PLEKHA6: variants seen among roughly 807,000 people sequenced by gnomAD.
The protein encoded by PLEKHA6 is pleckstrin homology domain-containing family A member 6.
PLEKHA6 carries 60 observed loss-of-function variants against 116.7 expected under a neutral mutation model. The observed-to-expected ratio is 0.51, with a 90% CI of 0.42 to 0.64. The LOEUF (loss-of-function observed/expected upper bound fraction) is 0.64. Among genes scored for constraint, PLEKHA6 ranks in the 30% least tolerant of loss-of-function variants. The pLI is 0.00. For missense variants in PLEKHA6, 1,338 were observed against 1,422.7 expected, an observed-to-expected ratio of 0.94 and a Z score of 0.96; for synonymous variants, 489 against 556.1, an observed-to-expected ratio of 0.88 and a Z score of 1.70.
intron 1 of PLEKHA6, among the ~76,000 whole-genome samples, chr1:204,341,495 T>C (rs772330471): frequency 6.6e-6 from 1 of 152,208 alleles, no homozygotes. Context: ...GGAGGAGCTA[T>C]AACCAGTTCA....
intron 2 of PLEKHA6, among the ~76,000 whole-genome samples, chr1:204,370,198 T>C (rs139583810): frequency 4.9e-4 from 75 of 152,346 alleles, no homozygotes; most frequent in African/African-American, 1.7e-3. Context: ...GTTTCTACCA[T>C]AAAATGAAGA....
chr1:204,277,836 G>A lies in PLEKHA6; in HGVS notation c.-94-3027C>T, dbSNP rs1453765825. 2 of 152,278 alleles carry A rather than the reference G, an allele frequency of 1.3e-5. No homozygotes were observed. The highest frequency in any genetic ancestry group is 2.9e-5 in the Non-Finnish European group (2 of 68,116). The allele number at this position is 152,278 out of a possible 1,614,324, so 9.4% of individuals were successfully genotyped here. On this transcript the variant is annotated intron_variant, in intron 1 of 22. Transcript: ENST00000272203. The surrounding 1 kb of genome is among the most constrained non-coding windows in gnomAD (Gnocchi z 4.1). ...CGGGGTTGCTTTCCCTCCCTGTGTG[G>A]CAGTCCTACCGATGAGAAGCAAGTC...
At chr1:204,344,407 C>G (rs1672956693) in intron 1 of PLEKHA6, among the ~76,000 whole-genome samples, 1 of 152,004 alleles carries the variant, frequency 6.6e-6, no homozygotes, top group Admixed American at 6.5e-5. Flanking sequence ...GAAGACTAGC[C>G]TGGCCAACAT....
intron 1 of PLEKHA6, among the ~76,000 whole-genome samples, chr1:204,279,241 C>T (rs977758341): frequency 6.6e-6 from 1 of 152,194 alleles, no homozygotes; most frequent in African/African-American, 2.4e-5. Flanking sequence ...AGTTAAATTA[C>T]TTCTCCTATG....
intron 1 of PLEKHA6, among the ~76,000 whole-genome samples, chr1:204,296,489 C>A (rs1226051944): frequency 6.6e-6 from 1 of 152,218 alleles, no homozygotes; most frequent in Non-Finnish European, 1.5e-5. Context: ...GAGTCCCTCC[C>A]CACTCCCCTA....
intron 1 of PLEKHA6, chr1:204,308,985 G>A (rs375242895): frequency 1.0e-5 from 7 of 673,020 alleles, no homozygotes; most frequent in South Asian, 6.6e-5. Context: ...CACCACGCCC[G>A]GCCTCAAGAA....
At chr1:204,282,470 C>T (rs758078270) in intron 1 of PLEKHA6, among the ~76,000 whole-genome samples, 55 of 152,160 alleles carry the variant, frequency 3.6e-4, no homozygotes, top group Non-Finnish European at 6.5e-4. Context: ...CCTCGAGTGT[C>T]CCTGCCCCAT....
At chr1:204,260,678 C>T (rs1665989763) in intron 7 of PLEKHA6, among the ~76,000 whole-genome samples, 1 of 152,192 alleles carries the variant, frequency 6.6e-6, no homozygotes, top group Admixed American at 6.5e-5. Flanking sequence ...TGTGAAACCC[C>T]CTTTTCCTGG....
intron 1 of PLEKHA6, chr1:204,299,613 G>A (rs975841499): frequency 8.1e-6 from 8 of 982,568 alleles, no homozygotes; most frequent in South Asian, 9.4e-5. Flanking sequence ...AAAACATCTC[G>A]CATTCTTTCT....
chr1:204,290,716 G>A (rs762495799), intron 1 of PLEKHA6, among the ~76,000 whole-genome samples: 12 of 152,266 alleles, frequency 7.9e-5, no homozygotes, highest in Admixed American at 1.3e-4. Flanking sequence ...CAGGCCAGGC[G>A]CAGTGGCTCA....
In PLEKHA6 at chr1:204,265,004, G is replaced by A. The variant is rs747540484; in HGVS notation, c.319C>T (p.Leu107=). The A allele has an allele frequency of 1.2e-6, 2 of 1,614,116 alleles. No individual in the cohort carries two copies. Among genetic ancestry groups the A allele is most frequent in the South Asian group, 1.1e-5 (1 of 91,086 alleles). The part of the protein sequence containing the change: ...EESILGSIPL[L]SFRVAAVQPS... Reference sequence around the variant, plus strand: ...TGCACTGCGGCTACCCGGAAGCTCAGGAGGGGGATGCTGCCCAGGATACTC... The same window carrying A: ...TGCACTGCGGCTACCCGGAAGCTCAAGAGGGGGATGCTGCCCAGGATACTC... The change falls in exon 6 of 23, where the codon CTG becomes TTG. Residue 107 remains leucine, a synonymous_variant. Transcript: ENST00000272203.
intron 17 of PLEKHA6, among the ~76,000 whole-genome samples, chr1:204,233,181 CTTTTTCTT>C (rs1661438022): frequency 8.3e-6 from 1 of 120,594 alleles, no homozygotes; most frequent in African/African-American, 3.5e-5. Context: ...CTTTTTTTTT[CTTTTTCTT>C]TTTTTTTTTT....
chr1:204,340,844 AC>A (rs1296719688), intron 1 of PLEKHA6, among the ~76,000 whole-genome samples: 1 of 152,202 alleles, frequency 6.6e-6, no homozygotes, highest in Non-Finnish European at 1.5e-5. Flanking sequence ...CCCGAAACAG[AC>A]TTACACTGGC....
intron 21 of PLEKHA6, among the ~76,000 whole-genome samples, chr1:204,224,368 C>A (rs922276058): frequency 3.9e-4 from 59 of 151,982 alleles, no homozygotes; most frequent in African/African-American, 1.4e-3. Flanking sequence ...TCACTGTAGC[C>A]GCGAGGCAGG....
intron 1 of PLEKHA6, chr1:204,325,816 C>T: frequency 1.4e-6 from 1 of 691,666 alleles, no homozygotes; most frequent in Non-Finnish European, 1.8e-6. Flanking sequence ...CCTAAGGTCA[C>T]TTAGTCCTGC....
chr1:204,288,495 A>G (rs553513177), intron 1 of PLEKHA6, among the ~76,000 whole-genome samples: 2 of 152,198 alleles, frequency 1.3e-5, no homozygotes, highest in Non-Finnish European at 2.9e-5. Flanking sequence ...CCACATTATG[A>G]AATATTTGCC....
At chr1:204,234,957 T>C (rs1159421351) in intron 17 of PLEKHA6, among the ~76,000 whole-genome samples, 2 of 982 alleles carry the variant, frequency 2.0e-3, no homozygotes, top group Admixed American at 0.012. Flanking sequence ...CTGCCCTTTA[T>C]ATATATATAT....
chr1:204,341,696 A>C (rs1019194393), intron 1 of PLEKHA6, among the ~76,000 whole-genome samples: 12 of 152,234 alleles, frequency 7.9e-5, no homozygotes, highest in African/African-American at 2.7e-4. Context: ...GATGACTAAC[A>C]CAGTGATGGC....
At chr1:204,235,109 A>G (rs1661850300) in intron 17 of PLEKHA6, among the ~76,000 whole-genome samples, 5 of 149,804 alleles carry the variant, frequency 3.3e-5, no homozygotes. Context: ...AACCCTAATT[A>G]ATACAGATTT....
Sources: gnomAD v4.1 joint callset for allele counts (sites outside exome capture counted in the v4.1 genomes callset) on GRCh38, gnomAD v4.1.1 for gene constraint, Gnocchi (gnomAD v3.1) non-coding constraint, MANE v1.5 for transcripts, NCBI Gene and HGNC (gene_info 2026-07-23, HGNC 2026-07-21) for gene names.